TRIM34: variants seen among roughly 807,000 people sequenced by gnomAD.
TRIM34 encodes the protein tripartite motif containing 34, also known as E3 ubiquitin-protein ligase TRIM34.
TRIM34 carries 41 observed loss-of-function variants against 38.1 expected under a neutral mutation model. That is an observed-to-expected ratio of 1.08 (90% CI 0.84 to 1.40). The LOEUF is 1.40. TRIM34 is among the 40% of genes most tolerant of loss of function. The pLI is 0.00. For synonymous variants in TRIM34, 200 were observed against 202.5 expected (o/e 0.99, Z 0.10); for missense variants, 556 against 571.4 (o/e 0.97, Z 0.27).
chr11:5,625,370 A>T (rs148076187), intron 1 of TRIM34, among the ~76,000 whole-genome samples: 145 of 152,300 alleles, frequency 9.5e-4, no homozygotes, highest in African/African-American at 3.3e-3. Context: ...CTTGCAAAGG[A>T]AACAATTCTC....
rs531440335 is a variant in TRIM34, at chr11:5,642,089, C to T, written c.774-317C>T. On this transcript the variant is annotated intron_variant, in intron 5 of 7. Coordinates refer to ENST00000429814, the MANE Select transcript of TRIM34 (RefSeq NM_021616.6). ...ATACCATTTCTACAGGTAGCAAAGTCTTTTCCTATCGTTTTATCCAATTTT... is the reference window on the plus strand; with the variant it reads ...ATACCATTTCTACAGGTAGCAAAGTTTTTTCCTATCGTTTTATCCAATTTT... 1.1e-4 allele frequency among the ~76,000 whole-genome samples: 17 copies of T among 152,280 alleles called. No individual in the cohort carries two copies. The Middle Eastern group carries it at 0.01, about 91-fold the overall frequency.
chr11:5,643,537 G>A lies in TRIM34; in HGVS notation c.1295G>A (p.Arg432His), dbSNP rs560919939. The change falls in exon 8 of 8, where the codon CGT (arginine) becomes CAT (histidine). Residue 432 changes from arginine to histidine, a missense_variant. Physicochemically the swap from Arg to His is conservative, Grantham distance 29. Transcript: ENST00000429814. ...CTCTCCATGGCTGTGCCTCCCTGCC[G>A]TGTTGGGGTTTTCCTCGACTATGAA... ...LTLSMAVPPC[R>H]VGVFLDYEAG... 46 of 1,614,180 alleles carry A rather than the reference G, an allele frequency of 2.8e-5. No homozygotes were observed. The East Asian group carries it at 5.8e-4, about 20-fold the overall frequency.
chr11:5,637,222 C>T (rs1394527966), intron 4 of TRIM34, among the ~76,000 whole-genome samples: 2 of 152,134 alleles, frequency 1.3e-5, no homozygotes, highest in Non-Finnish European at 2.9e-5. Flanking sequence ...CCTCCACAAT[C>T]CCATCTCCTG....
intron 1 of TRIM34, among the ~76,000 whole-genome samples, chr11:5,625,400 C>T (rs1267529829): frequency 2.0e-5 from 3 of 152,178 alleles, no homozygotes; most frequent in Admixed American, 2.0e-4. Flanking sequence ...TTCTCTCTCT[C>T]AAAGAGATGA....
upstream of TRIM34, among the ~76,000 whole-genome samples, chr11:5,622,330 G>A (rs1313155435): frequency 1.3e-5 from 2 of 151,816 alleles, no homozygotes; most frequent in South Asian, 2.1e-4. Context: ...CTGTAGTCCC[G>A]GCTACTTGGG....
In TRIM34 at chr11:5,633,781, G is replaced by C. The variant is rs75214745; in HGVS notation, c.424-23G>C. 11,234 of 1,609,062 alleles carry C rather than the reference G, an allele frequency of 7.0e-3. 410 individuals are homozygous for C. In the African/African-American group the frequency reaches 0.086, roughly 12 times the overall value. On this transcript the variant is annotated intron_variant, in intron 2 of 7. Coordinates refer to ENST00000429814, the MANE Select transcript of TRIM34 (RefSeq NM_021616.6). ...TACTAAGAAAGCTTATAGCTTGACT[G>C]TAGTGTGATTCCCTTCTCATAGGAG...
chr11:5,633,098 A>C (rs576932916), intron 2 of TRIM34, among the ~76,000 whole-genome samples: 114 of 147,472 alleles, frequency 7.7e-4, no homozygotes, highest in Non-Finnish European at 1.5e-3. Context: ...TCGGCCTCCC[A>C]AAGTGCTGGG....
intron 4 of TRIM34, among the ~76,000 whole-genome samples, chr11:5,637,858 G>A (rs1849812920): frequency 6.6e-6 from 1 of 152,136 alleles, no homozygotes; most frequent in African/African-American, 2.4e-5. Flanking sequence ...TGTCCTACAG[G>A]TTTCTTATAA....
At chr11:5,627,899 GAGAGACTT>G (rs1849313425) in intron 1 of TRIM34, among the ~76,000 whole-genome samples, 1 of 152,216 alleles carries the variant, frequency 6.6e-6, no homozygotes. Flanking sequence ...TCTACCTGCA[GAGAGACTT>G]AAAGTTTGCA....
intron 7 of TRIM34, 33 bp downstream of exon 7, chr11:5,642,876 T>C: frequency 1.9e-6 from 3 of 1,613,348 alleles, no homozygotes; most frequent in Non-Finnish European, 2.5e-6. Context: ...ATAACTGTTT[T>C]CCAATTACCT....
rs780882235 is a variant in TRIM34, at chr11:5,643,417, G to C, written c.1175G>C (p.Arg392Thr). 3.7e-6 allele frequency: 6 copies of C among 1,614,150 alleles called. No homozygotes were observed. The part of the protein sequence containing the change: ...ANRQNLYTKY[R>T]PLFGYWVIGL... The stretch of plus-strand genomic sequence containing the variant: ...CGTCAAAATCTTTACACCAAATACA[G>C]ACCTCTATTTGGCTACTGGGTTATA... The change falls in exon 8 of 8, where the codon AGA becomes ACA. Residue 392 changes from arginine (R) to threonine (T), a missense_variant. Physicochemically the swap from Arg to Thr is moderately conservative, Grantham distance 71. Transcript: ENST00000429814.
rs753678295 is a variant in TRIM34 at position 5,632,554 on chromosome 11, G to C, written c.223G>C (p.Ala75Pro). The change falls in exon 2 of 8, where the codon GCC becomes CCC. Residue 75 changes from alanine to proline, a missense_variant. Physicochemically the swap from Ala to Pro is conservative, Grantham distance 27. Transcript: ENST00000429814. The part of the protein sequence containing the change: ...FEHLQANQHL[A>P]NIVERLKEVK... ...ACATCTACAGGCTAATCAGCATCTGGCCAACATAGTGGAGAGACTCAAGGA... is the reference window on the plus strand; with the variant it reads ...ACATCTACAGGCTAATCAGCATCTGCCCAACATAGTGGAGAGACTCAAGGA... The C allele has an allele frequency of 3.7e-5, 59 of 1,613,796 alleles. No individual in the cohort carries two copies. In the Admixed American group the frequency reaches 9.7e-4, roughly 26 times the overall value.
At chr11:5,626,720 A>G (rs1201501341) in intron 1 of TRIM34, 1 of 152,034 alleles carries the variant, frequency 6.6e-6, no homozygotes, top group African/African-American at 2.4e-5. Flanking sequence ...TCTCTACTAA[A>G]AAAATGCAAA....
chr11:5,642,325 G>A (rs1394050295), intron 5 of TRIM34, 81 bp from the exon 6 acceptor site: 44 of 1,282,632 alleles, frequency 3.4e-5, no homozygotes, highest in South Asian at 8.0e-5. Flanking sequence ...TCAGTGATGT[G>A]AAGGAGATGA....
At chr11:5,632,844 T>C in intron 2 of TRIM34, 90 bp downstream of exon 2, 1 of 1,185,304 alleles carries the variant, frequency 8.4e-7, no homozygotes, top group Non-Finnish European at 1.1e-6. Flanking sequence ...TTTTTTTTTT[T>C]GAGACAGAGT....
upstream of TRIM34, among the ~76,000 whole-genome samples, chr11:5,621,137 C>G (rs1017261233): frequency 3.3e-5 from 5 of 152,184 alleles, no homozygotes; most frequent in Non-Finnish European, 7.3e-5. Flanking sequence ...TCCTTTAACC[C>G]CTGCATCCCA....
intron 3 of TRIM34, 101 bp from the exon 4 acceptor site, chr11:5,634,527 ACAC>A: frequency 7.6e-6 from 5 of 656,938 alleles, no homozygotes; most frequent in Non-Finnish European, 1.1e-5. Flanking sequence ...ACACACACAC[ACAC>A]ATATATATAT....
intron 4 of TRIM34, among the ~76,000 whole-genome samples, chr11:5,639,346 T>C (rs988063240): frequency 1.1e-4 from 16 of 152,026 alleles, no homozygotes; most frequent in African/African-American, 3.6e-4. Flanking sequence ...AATGATTAGA[T>C]ATAAAGGTTG....
At chr11:5,634,162 C>T (rs929004430) in intron 3 of TRIM34, among the ~76,000 whole-genome samples, 10 of 152,100 alleles carry the variant, frequency 6.6e-5, no homozygotes, top group Admixed American at 4.6e-4. Context: ...TCTTTTCCAA[C>T]GGGGCTCTAC....
Sources: allele counts gnomAD v4.1 joint callset (sites outside exome capture counted in the v4.1 genomes callset), GRCh38; gene constraint gnomAD v4.1.1; transcripts MANE v1.5; gene names NCBI Gene and HGNC (gene_info 2026-07-23, HGNC 2026-07-21).